Variants in UPP2 observed in about 807,000 individuals in gnomAD.
The protein encoded by UPP2 is uridine phosphorylase 2.
A neutral mutation model predicts 26.7 loss-of-function variants in UPP2; 23 were observed. That is an observed-to-expected ratio of 0.86 (90% CI 0.62 to 1.22). The LOEUF (loss-of-function observed/expected upper bound fraction) is 1.22, where lower values mean the gene tolerates loss of function less well. UPP2 is among the 50% of genes most tolerant of loss of function. The pLI is 0.00. For synonymous variants in UPP2, 127 were observed against 141.3 expected (o/e 0.90, Z 0.72); for missense variants, 387 against 396.7 (o/e 0.98, Z 0.21).
intron 3 of UPP2, among the ~76,000 whole-genome samples, chr2:158,058,458 T>C (rs1263613444): frequency 7.6e-6 from 1 of 131,906 alleles, no homozygotes; most frequent in African/African-American, 2.6e-5. Context: ...TGTACGCGCA[T>C]GCACAGAGGA....
chr2:158,119,341 A>G (rs1392443968), intron 4 of UPP2, among the ~76,000 whole-genome samples: 3 of 152,068 alleles, frequency 2.0e-5, no homozygotes, highest in Admixed American at 2.0e-4. Context: ...ATGGTGGCAA[A>G]TTAACCCACT....
chr2:158,063,785 C>T (rs1682391631), intron 3 of UPP2, among the ~76,000 whole-genome samples: 1 of 152,068 alleles, frequency 6.6e-6, no homozygotes, highest in Non-Finnish European at 1.5e-5. Flanking sequence ...TGTGATGTTC[C>T]CCTCTCTATG....
intron 3 of UPP2, among the ~76,000 whole-genome samples, chr2:158,077,606 C>A (rs1472241717): frequency 6.6e-6 from 1 of 152,050 alleles, no homozygotes; most frequent in Non-Finnish European, 1.5e-5. Context: ...TAAAACTAGA[C>A]CCTTATGTCT....
intron 6 of UPP2, among the ~76,000 whole-genome samples, chr2:158,130,857 G>T (rs1574313914): frequency 6.6e-6 from 1 of 152,246 alleles, no homozygotes; most frequent in Non-Finnish European, 1.5e-5. Context: ...AGTATGTCTG[G>T]AATAAAGCCT....
At chr2:157,998,535 C>T (rs1386941800) in intron 2 of UPP2, among the ~76,000 whole-genome samples, 1 of 152,162 alleles carries the variant, frequency 6.6e-6, no homozygotes, top group Admixed American at 6.5e-5. Flanking sequence ...GGCACAGCGG[C>T]TCATGCCTGT....
At chr2:158,122,230 G>A (rs1683585505) in intron 5 of UPP2, among the ~76,000 whole-genome samples, 1 of 150,292 alleles carries the variant, frequency 6.7e-6, no homozygotes, top group Non-Finnish European at 1.5e-5. Flanking sequence ...CCAGAAGAAA[G>A]AATCTACACA....
intron 3 of UPP2, among the ~76,000 whole-genome samples, chr2:158,039,093 C>T (rs769790718): frequency 1.3e-5 from 2 of 152,146 alleles, no homozygotes; most frequent in Admixed American, 6.5e-5. Flanking sequence ...TTGTCAGGAC[C>T]GGCTATAGCA....
Position 158,123,872 on chromosome 2 carries a change from T to C in UPP2, c.788T>C (p.Met263Thr), listed in dbSNP as rs148126775. The C allele has an allele frequency of 3.1e-6, 5 of 1,613,874 alleles. No homozygotes were observed. The African/African-American group carries it at 5.3e-5, about 17-fold the overall frequency. ...ATGGAATCTACAGTGTTTGCAGCTA[T>C]GTGTGGACTCTGTGGTCTAAAAGGT... ...IEMESTVFAA[M>T]CGLCGLKAAV... is the part of the protein sequence containing the mutation. Residue 263 changes from methionine to threonine, a missense_variant, in exon 6 of 7, where the codon ATG becomes ACG. Transcript: ENST00000005756.
chr2:158,129,232 G>T (rs980539969), intron 6 of UPP2, among the ~76,000 whole-genome samples: 2 of 151,952 alleles, frequency 1.3e-5, no homozygotes, highest in African/African-American at 4.8e-5. Flanking sequence ...AGGCTATCTG[G>T]ATTCCCCTGG....
chr2:158,094,315 T>C (rs1251493115), intron 3 of UPP2, among the ~76,000 whole-genome samples: 1 of 152,084 alleles, frequency 6.6e-6, no homozygotes, highest in Non-Finnish European at 1.5e-5. Flanking sequence ...AGGCATCTAA[T>C]ATATCTGTAC....
chr2:158,106,300 C>A, intron 2 of UPP2, 84 bp downstream of exon 2: 1 of 1,195,320 alleles, frequency 8.4e-7, no homozygotes, highest in African/African-American at 1.5e-5. Context: ...AATCTATACA[C>A]CTTTGGCTAG....
intron 3 of UPP2, chr2:158,065,852 T>C: frequency 1.5e-6 from 1 of 664,208 alleles, no homozygotes; most frequent in East Asian, 2.7e-5. Context: ...CTGCTGTTCA[T>C]TGCATTGCAG....
At chr2:158,112,883 T>A (rs781615414) in intron 2 of UPP2, among the ~76,000 whole-genome samples, 2 of 152,242 alleles carry the variant, frequency 1.3e-5, no homozygotes, top group Non-Finnish European at 2.9e-5. Context: ...CATATTTTTG[T>A]AATGCCTCTG....
intron 3 of UPP2, chr2:158,065,591 A>G: frequency 1.8e-6 from 1 of 561,910 alleles, no homozygotes; most frequent in Non-Finnish European, 3.5e-6. Context: ...ACATACAAGA[A>G]CATGAGGATT....
At chr2:157,997,463 G>A (rs1683338998) in intron 2 of UPP2, among the ~76,000 whole-genome samples, 1 of 152,116 alleles carries the variant, frequency 6.6e-6, no homozygotes, top group African/African-American at 2.4e-5. Flanking sequence ...ACTGGAAATA[G>A]CTATTTTTAA....
Position 158,055,477 on chromosome 2 carries a change from AT to A in UPP2, c.147+39600del, listed in dbSNP as rs35194717. On this transcript the variant is annotated intron_variant, in intron 3 of 9. Transcript: ENST00000605860. ...CCTCACAGAAGTGAAATAATACAGT[AT>A]TTTTTTTTGTGACTGGCTTGTTCAC... 1.6e-3 allele frequency among the ~76,000 whole-genome samples: 247 copies of A among 151,514 alleles called. 1 individual carries two copies. Among genetic ancestry groups the A allele is most frequent in the African/African-American group, 5.7e-3 (235 of 41,316 alleles).
chr2:158,059,377 A>G (rs1682314109), intron 3 of UPP2, among the ~76,000 whole-genome samples: 1 of 152,198 alleles, frequency 6.6e-6, no homozygotes, highest in African/African-American at 2.4e-5. Flanking sequence ...GGCCATTTAA[A>G]TTGATGGCTA....
chr2:158,081,202 T>C (rs1682718586), intron 3 of UPP2, among the ~76,000 whole-genome samples: 1 of 152,170 alleles, frequency 6.6e-6, no homozygotes, highest in African/African-American at 2.4e-5. Context: ...AAACACTGCT[T>C]ATGTCAAGTT....
At chr2:158,134,724 C>T in intron 6 of UPP2, 24 bp from the exon 7 acceptor site, 1 of 1,578,258 alleles carries the variant, frequency 6.3e-7, no homozygotes, top group Non-Finnish European at 8.6e-7. Flanking sequence ...TTCATTCCAT[C>T]AGTTGTGCTA....
Sources: gnomAD v4.1 joint callset for allele counts (sites outside exome capture counted in the v4.1 genomes callset) on GRCh38, gnomAD v4.1.1 for gene constraint, MANE v1.5 for transcripts, NCBI Gene and HGNC (gene_info 2026-07-23, HGNC 2026-07-21) for gene names.